The following PDE3A variants were observed in gnomAD, a reference collection of about 807,000 sequenced individuals.
PDE3A encodes phosphodiesterase 3A, also known as cGMP-inhibited 3',5'-cyclic phosphodiesterase 3A.
In PDE3A, 43 loss-of-function variants were observed where a neutral mutation model predicts 98.3. That is an observed-to-expected ratio of 0.44 (90% CI 0.34 to 0.56). PDE3A has a LOEUF of 0.56. Ranked by LOEUF, PDE3A falls within the 20% of genes least tolerant of loss-of-function variation. PDE3A has a pLI of 0.01. For synonymous variants in PDE3A, 663 were observed against 567.9 expected, an observed-to-expected ratio of 1.17 and a Z score of -2.38; for missense variants, 1,427 against 1,440.7, an observed-to-expected ratio of 0.99 and a Z score of 0.15.
chr12:20,482,454 A>C (rs1945648204), intron 1 of PDE3A, among the ~76,000 whole-genome samples: 1 of 152,134 alleles, frequency 6.6e-6, no homozygotes, highest in Admixed American at 6.5e-5. Context: ...AGGAATAAGA[A>C]GAGTTTCAGA....
At chr12:20,561,506 C>A (rs1466786027) in intron 2 of PDE3A, among the ~76,000 whole-genome samples, 2 of 152,160 alleles carry the variant, frequency 1.3e-5, no homozygotes, top group African/African-American at 4.8e-5. Context: ...TGCTAGCCTG[C>A]AAGATGAATT....
Position 20,552,659 on chromosome 12 carries a change from C to G in PDE3A, c.961-4001C>G. 6.2e-7 allele frequency: 1 copy of G among 1,613,868 alleles called. No individual in the cohort carries two copies. The highest frequency in any genetic ancestry group is 1.3e-5 in the African/African-American group (1 of 75,050). ...ACCAAGGTGGAGCCCTACAGTCTCA[C>G]GGCCCAGCAGAGCAGCCTCATCAGA... On this transcript the variant is annotated intron_variant, in intron 1 of 15. Coordinates refer to ENST00000359062, the MANE Select transcript of PDE3A (RefSeq NM_000921.5). The surrounding 1 kb of genome is among the most constrained non-coding windows in gnomAD (Gnocchi z 5.1).
intron 2 of PDE3A, among the ~76,000 whole-genome samples, chr12:20,604,776 C>G (rs1028022148): frequency 1.3e-5 from 2 of 152,118 alleles, no homozygotes; most frequent in African/African-American, 2.4e-5. Context: ...CAGGTTTTTG[C>G]ACATCTTTGA....
At chr12:20,577,001 A>G (rs538584744) in intron 2 of PDE3A, among the ~76,000 whole-genome samples, 14 of 152,186 alleles carry the variant, frequency 9.2e-5, no homozygotes, top group Admixed American at 2.6e-4. Flanking sequence ...GCACCCTCCA[A>G]TACATCACAG....
At chr12:20,453,127 T>G (rs908500614) in intron 1 of PDE3A, among the ~76,000 whole-genome samples, 2 of 151,566 alleles carry the variant, frequency 1.3e-5, no homozygotes, top group Non-Finnish European at 1.5e-5. Flanking sequence ...AGTTTTTGTT[T>G]CCCAGATTTG....
intron 1 of PDE3A, among the ~76,000 whole-genome samples, chr12:20,533,950 T>C (rs1941688739): frequency 6.6e-6 from 1 of 152,152 alleles, no homozygotes; most frequent in Non-Finnish European, 1.5e-5. Context: ...AGGTCATCCG[T>C]GCGCCCGTCT....
intron 10 of PDE3A, among the ~76,000 whole-genome samples, 198 bp downstream of exon 10, chr12:20,640,155 C>T (rs1944613380): frequency 6.6e-6 from 1 of 151,834 alleles, no homozygotes; most frequent in Non-Finnish European, 1.5e-5. Context: ...GTGTGAGACC[C>T]TAGGGTTTAC....
intron 1 of PDE3A, among the ~76,000 whole-genome samples, chr12:20,511,418 A>ACG (rs1491527285): frequency 2.7e-4 from 1 of 3,674 alleles, no homozygotes. Flanking sequence ...GTGCTCAAAT[A>ACG]CACACACACA....
At chr12:20,515,531 C>A (rs1163662260) in intron 1 of PDE3A, among the ~76,000 whole-genome samples, 1 of 152,076 alleles carries the variant, frequency 6.6e-6, no homozygotes. Flanking sequence ...ATTGGAAATG[C>A]TAGCCCTCTG....
chr12:20,554,227 G>C (rs911964414), intron 1 of PDE3A, among the ~76,000 whole-genome samples: 3 of 150,598 alleles, frequency 2.0e-5, no homozygotes, highest in African/African-American at 7.3e-5. Context: ...ATTTTTAAAG[G>C]GTTTTTTTTC....
Position 20,369,299 on chromosome 12 carries a change from C to T in PDE3A, c.15C>T (p.Gly5=), listed in dbSNP as rs978610403. The T allele has an allele frequency of 2.6e-6, 4 of 1,522,008 alleles. No individual in the cohort carries two copies. The African/African-American group carries it at 5.5e-5, about 21-fold the overall frequency. The allele number at this position is 1,522,008 out of a possible 1,614,324, so 94.3% of individuals were successfully genotyped here. Residue 5 remains glycine, a synonymous_variant, in exon 1 of 16, where the codon GGC becomes GGT. Transcript: ENST00000359062. MAVP[G]DAARVRDKPV... is the part of the protein sequence containing the mutation. The stretch of plus-strand genomic sequence containing the variant: ...CACCCTATACCATGGCAGTGCCCGG[C>T]GACGCTGCACGAGTCAGGGACAAGC...
At chr12:20,536,842 T>C (rs1160223796) in intron 1 of PDE3A, among the ~76,000 whole-genome samples, 7 of 152,118 alleles carry the variant, frequency 4.6e-5, no homozygotes, top group Admixed American at 4.6e-4. Context: ...ATAATGCTGC[T>C]ATTAACATTT....
At chr12:20,459,993 C>A (rs560776428) in intron 1 of PDE3A, among the ~76,000 whole-genome samples, 1 of 152,168 alleles carries the variant, frequency 6.6e-6, no homozygotes, top group Non-Finnish European at 1.5e-5. Flanking sequence ...CAGCATTGTG[C>A]CATTGTGGCA....
At chr12:20,469,793 A>C (rs1945405281) in intron 1 of PDE3A, among the ~76,000 whole-genome samples, 1 of 152,226 alleles carries the variant, frequency 6.6e-6, no homozygotes, top group Non-Finnish European at 1.5e-5. Context: ...GGAAATAGTA[A>C]GTTATCTAGG....
At chr12:20,606,183 T>TA (rs201350938) in intron 2 of PDE3A, among the ~76,000 whole-genome samples, 3,001 of 152,040 alleles carry the variant, frequency 0.02, 65 homozygotes, top group African/African-American at 0.056. Flanking sequence ...TTACTTTCTT[T>TA]AAAAAAAATG....
intron 10 of PDE3A, among the ~76,000 whole-genome samples, chr12:20,641,167 G>C (rs1182147579): frequency 7.7e-6 from 1 of 129,388 alleles, no homozygotes; most frequent in Non-Finnish European, 1.8e-5. Flanking sequence ...GTGTATCATA[G>C]AAAAAGAGAA....
intron 3 of PDE3A, among the ~76,000 whole-genome samples, chr12:20,615,971 G>A (rs1188492101): frequency 1.3e-5 from 2 of 152,012 alleles, no homozygotes; most frequent in Non-Finnish European, 2.9e-5. Context: ...TGATCCACCC[G>A]CCTTGGCCTC....
chr12:20,425,587 TC>T (rs1944590123), intron 1 of PDE3A, among the ~76,000 whole-genome samples: 1 of 152,322 alleles, frequency 6.6e-6, no homozygotes, highest in Admixed American at 6.5e-5. Context: ...AATTTTCTAA[TC>T]CTTTCAACAG....
Position 20,368,720 on chromosome 12 carries a change from C to A in PDE3A, c.-565C>A, listed in dbSNP as rs10841496. Among the ~76,000 whole-genome samples, 66,153 of 151,322 alleles carry A rather than the reference C, an allele frequency of 0.44. 15,988 individuals carry two copies. The highest frequency in any genetic ancestry group is 0.58 in the Admixed American group (8,858 of 15,244). On this transcript the variant is annotated 5_prime_UTR_variant, in exon 1 of 16. Transcript: ENST00000359062. Reference sequence around the variant, plus strand: ...TGGGGCCGTGCCGGGGAGAATCGGCCGAGGAGAAAGAAAGAGTGATAGAAA... The same window carrying A: ...TGGGGCCGTGCCGGGGAGAATCGGCAGAGGAGAAAGAAAGAGTGATAGAAA...
Sources: gnomAD v4.1 joint callset for allele counts (sites outside exome capture counted in the v4.1 genomes callset) on GRCh38, gnomAD v4.1.1 for gene constraint, Gnocchi (gnomAD v3.1) non-coding constraint, MANE v1.5 for transcripts, NCBI Gene and HGNC (gene_info 2026-07-23, HGNC 2026-07-21) for gene names.